DOCK1: variants seen among roughly 807,000 people sequenced by gnomAD.
DOCK1 encodes dedicator of cytokinesis 1.
DOCK1 carries 138 observed loss-of-function variants against 262.7 expected under a neutral mutation model. The ratio of observed to expected loss-of-function variants is 0.53; its 90% CI spans 0.46 to 0.61. The LOEUF (loss-of-function observed/expected upper bound fraction) is 0.61, where lower values mean the gene tolerates loss of function less well. Ranked by LOEUF, DOCK1 falls within the 20% of genes least tolerant of loss-of-function variation. The pLI is 0.00. For missense variants in DOCK1, 1,908 were observed against 2,370.7 expected (o/e 0.80, Z 4.05); for synonymous variants, 866 against 867.4 (o/e 1.00, Z 0.03).
At chr10:127,411,653 C>G (rs981785003) in intron 43 of DOCK1, among the ~76,000 whole-genome samples, 1 of 152,092 alleles carries the variant, frequency 6.6e-6, no homozygotes, top group African/African-American at 2.4e-5. Context: ...CCAGCCTGAC[C>G]AACATGGTAA....
At chr10:127,391,094 A>G (rs2066450932) in intron 38 of DOCK1, among the ~76,000 whole-genome samples, 1 of 152,242 alleles carries the variant, frequency 6.6e-6, no homozygotes, top group Admixed American at 6.5e-5. Flanking sequence ...CTTAGACTAC[A>G]GGAATATTTA....
Position 127,020,871 on chromosome 10 carries a change from C to G in DOCK1, c.1327+2036C>G, listed in dbSNP as rs1564737888. 2.0e-5 allele frequency among the ~76,000 whole-genome samples: 3 copies of G among 152,158 alleles called. No homozygotes were observed. In the East Asian group the frequency reaches 5.8e-4, roughly 29 times the overall value. ...CACTGTCTGCAGGGATGCGCGTCTT[C>G]TTTGGACAGCGCAGAGCCTGTCCCA... On this transcript the variant is annotated intron_variant, in intron 13 of 51. Transcript: ENST00000623213.
intron 33 of DOCK1, among the ~76,000 whole-genome samples, chr10:127,362,932 CATCCCCCCACACACATACACAT>C (rs1244972706): frequency 4.3e-4 from 58 of 134,176 alleles, no homozygotes; most frequent in East Asian, 8.9e-4. Flanking sequence ...TACACATGCA[CATCCCCCCACACACATACACAT>C]GTGCATCCCC....
chr10:127,390,963 C>T (rs565585528), intron 38 of DOCK1, among the ~76,000 whole-genome samples: 37 of 152,282 alleles, frequency 2.4e-4, no homozygotes, highest in African/African-American at 8.2e-4. Flanking sequence ...TCTTGTTGAG[C>T]GCCAAGAACA....
At chr10:127,429,295 T>C (rs1159327280) in intron 47 of DOCK1, among the ~76,000 whole-genome samples, 1 of 152,106 alleles carries the variant, frequency 6.6e-6, no homozygotes, top group East Asian at 1.9e-4. Context: ...TGCAGAGTCC[T>C]GCTCCATCCT....
chr10:127,380,243 G>T, intron 36 of DOCK1, 121 bp downstream of exon 36: 2 of 804,738 alleles, frequency 2.5e-6, no homozygotes, highest in African/African-American at 1.8e-5. Flanking sequence ...ATTGTGAAAC[G>T]TATAAGGTAG....
intron 46 of DOCK1, among the ~76,000 whole-genome samples, chr10:127,421,289 A>G (rs78021887): frequency 0.015 from 2,245 of 152,232 alleles, 50 homozygotes; most frequent in African/African-American, 0.046. Flanking sequence ...CACATTGGCC[A>G]ATGAGACGTC....
At chr10:126,916,227 C>T (rs571953547) in intron 1 of DOCK1, among the ~76,000 whole-genome samples, 99 of 152,196 alleles carry the variant, frequency 6.5e-4, no homozygotes, top group African/African-American at 2.1e-3. Flanking sequence ...AGAGCAGGAC[C>T]GTGTGTGTGG....
At chr10:127,006,949 A>T (rs1368988857) in intron 10 of DOCK1, among the ~76,000 whole-genome samples, 1 of 152,050 alleles carries the variant, frequency 6.6e-6, no homozygotes, top group Non-Finnish European at 1.5e-5. Flanking sequence ...TTATTGAAGG[A>T]TGCTGAACTG....
At chr10:127,410,479 A>G (rs183089007) in intron 42 of DOCK1, among the ~76,000 whole-genome samples, 82 of 152,316 alleles carry the variant, frequency 5.4e-4, no homozygotes, top group Non-Finnish European at 4.0e-4. Context: ...TGCTTTGTAG[A>G]TCTGAAACTA....
intron 1 of DOCK1, among the ~76,000 whole-genome samples, chr10:126,946,273 A>G (rs1564996469): frequency 6.6e-6 from 1 of 152,172 alleles, no homozygotes; most frequent in Non-Finnish European, 1.5e-5. Context: ...TTGGCCAGAC[A>G]CGGTAGCTCA....
intron 31 of DOCK1, 26 bp downstream of exon 31, chr10:127,343,772 T>C (rs765025960): frequency 1.5e-5 from 23 of 1,551,922 alleles, no homozygotes; most frequent in Non-Finnish European, 2.0e-5. Flanking sequence ...GCTCTGAAAC[T>C]GCAGGCAGGA....
Position 126,990,505 on chromosome 10 carries a change from T to A in DOCK1, c.375T>A (p.Leu125=). The A allele has an allele frequency of 6.2e-7, 1 of 1,613,580 alleles. No individual in the cohort carries two copies. The highest frequency in any genetic ancestry group is 1.7e-5 in the Admixed American group (1 of 59,990). Residue 125 remains leucine, a synonymous_variant, in exon 6 of 52, where the codon CTT becomes CTA. Coordinates refer to ENST00000623213, the MANE Select transcript of DOCK1 (RefSeq NM_001290223.2). ...GTGTGCGGCACATGATCTATGACCT[T>A]ATTGAATGGCGATCACAAATTCTTT... is the stretch of plus-strand genomic sequence containing the variant. ...FRSVRHMIYD[L]IEWRSQILSG...
intron 18 of DOCK1, among the ~76,000 whole-genome samples, chr10:127,033,965 A>C (rs1445299937): frequency 6.6e-6 from 1 of 152,028 alleles, no homozygotes; most frequent in East Asian, 1.9e-4. Flanking sequence ...TTCCATTTGC[A>C]TGCATTTCTC....
At chr10:127,126,457 G>A (rs1052711209) in intron 26 of DOCK1, among the ~76,000 whole-genome samples, 1 of 152,084 alleles carries the variant, frequency 6.6e-6, no homozygotes, top group African/African-American at 2.4e-5. Context: ...CCAGCCCAGC[G>A]AAGTAGCTCA....
chr10:127,118,390 CTTTAA>C (rs2049321295), intron 25 of DOCK1, among the ~76,000 whole-genome samples: 1 of 152,126 alleles, frequency 6.6e-6, no homozygotes, highest in East Asian at 1.9e-4. Flanking sequence ...ATTGGCTCTT[CTTTAA>C]TTTCTTCCCT....
intron 1 of DOCK1, among the ~76,000 whole-genome samples, chr10:126,922,345 G>T (rs1251414113): frequency 6.6e-6 from 1 of 152,048 alleles, no homozygotes; most frequent in Non-Finnish European, 1.5e-5. Context: ...GAAGGGGAAG[G>T]GAGAGCCAAT....
intron 33 of DOCK1, among the ~76,000 whole-genome samples, chr10:127,367,395 G>A (rs1027749012): frequency 8.5e-5 from 13 of 152,104 alleles, no homozygotes; most frequent in Non-Finnish European, 1.3e-4. Flanking sequence ...TCTTGGTGGC[G>A]GGATGGGGTG....
Position 127,451,666 on chromosome 10 carries a change from G to C in DOCK1, c.*239G>C, listed in dbSNP as rs779449602. The C allele has an allele frequency of 1.2e-4, 96 of 820,262 alleles. No homozygotes were observed. The highest frequency in any genetic ancestry group is 1.5e-4 in the Non-Finnish European group (87 of 569,994). The allele number at this position is 820,262 out of a possible 1,614,324, so 50.8% of individuals were successfully genotyped here. On this transcript the variant is annotated 3_prime_UTR_variant, in exon 52 of 52. Coordinates refer to ENST00000623213, the MANE Select transcript of DOCK1 (RefSeq NM_001290223.2). ...GGGATGTGCTATCGTAGTTATCAGAGTTGGGGGCCTCTGAGTGTGTCTGGC... is the reference window on the plus strand; with the variant it reads ...GGGATGTGCTATCGTAGTTATCAGACTTGGGGGCCTCTGAGTGTGTCTGGC...
Sources: allele counts gnomAD v4.1 joint callset (sites outside exome capture counted in the v4.1 genomes callset), GRCh38; gene constraint gnomAD v4.1.1; transcripts MANE v1.5; gene names NCBI Gene and HGNC (gene_info 2026-07-23, HGNC 2026-07-21).